MAGI2: variants seen among roughly 807,000 people sequenced by gnomAD.
The protein encoded by MAGI2 is membrane-associated guanylate kinase, WW and PDZ domain-containing protein 2.
A neutral mutation model predicts 133.3 loss-of-function variants in MAGI2; 35 were observed. The ratio of observed to expected loss-of-function variants is 0.26; its 90% CI spans 0.20 to 0.35. The LOEUF is 0.35. MAGI2 is among the 10% of genes least tolerant of loss of function. The pLI is 1.00. For synonymous variants in MAGI2, 729 were observed against 710.6 expected, an observed-to-expected ratio of 1.03 and a Z score of -0.41; for missense variants, 1,636 against 1,863.4, an observed-to-expected ratio of 0.88 and a Z score of 2.25.
At chr7:79,247,060 C>T (rs905703560) in intron 1 of MAGI2, among the ~76,000 whole-genome samples, 25 of 152,018 alleles carry the variant, frequency 1.6e-4, no homozygotes, top group African/African-American at 6.0e-4. Flanking sequence ...GTAAAAATAT[C>T]CTCAAACATG....
chr7:78,763,360 G>T (rs1052457262), intron 2 of MAGI2, among the ~76,000 whole-genome samples: 5 of 152,144 alleles, frequency 3.3e-5, no homozygotes, highest in African/African-American at 1.2e-4. Flanking sequence ...GCACAGAACA[G>T]ATTTTCATAT....
chr7:78,670,209 G>A (rs1177066081), intron 2 of MAGI2, among the ~76,000 whole-genome samples: 3 of 152,222 alleles, frequency 2.0e-5, no homozygotes, highest in East Asian at 3.9e-4. Context: ...AAGCTGATAA[G>A]CAACTTCAGC....
rs1380274512 is a variant in MAGI2, at chr7:78,177,627, C to A, written c.2403+384G>T. 2.0e-5 allele frequency among the ~76,000 whole-genome samples: 3 copies of A among 152,276 alleles called. No individual in the cohort carries two copies. In the East Asian group the frequency reaches 5.8e-4, roughly 29 times the overall value. On this transcript the variant is annotated intron_variant, in intron 14 of 21. Transcript: ENST00000354212. ...ATTTCTGTTTATCCCTGTGTTTTAT[C>A]TCCTTTGCTGTTTTGGTTAAAAACA...
chr7:79,083,392 GTGT>G (rs1371614191), intron 1 of MAGI2, among the ~76,000 whole-genome samples: 2 of 150,780 alleles, frequency 1.3e-5, no homozygotes, highest in African/African-American at 4.9e-5. Flanking sequence ...ACATTAGATG[GTGT>G]TAGATTTTGT....
chr7:79,353,580 T>C (rs915624905), intron 1 of MAGI2: 2 of 430,892 alleles, frequency 4.6e-6, no homozygotes, highest in Admixed American at 5.0e-5. Context: ...GCCTGCTGTC[T>C]GGAGCTCTGG....
chr7:78,238,164 T>C (rs995421701), intron 10 of MAGI2, among the ~76,000 whole-genome samples: 1 of 152,178 alleles, frequency 6.6e-6, no homozygotes, highest in South Asian at 2.1e-4. Flanking sequence ...TGGAGGTTCC[T>C]AGTCCTCAGA....
intron 2 of MAGI2, among the ~76,000 whole-genome samples, chr7:78,735,131 T>C (rs1355408966): frequency 1.3e-5 from 2 of 152,228 alleles, no homozygotes; most frequent in East Asian, 3.8e-4. Context: ...CAAATTCTTA[T>C]CTTTCCATGT....
chr7:79,282,893 T>A (rs2129558122), intron 1 of MAGI2, among the ~76,000 whole-genome samples: 1 of 101,410 alleles, frequency 9.9e-6, no homozygotes, highest in South Asian at 2.9e-4. Context: ...TAGAAGTTAA[T>A]TTTTTGATAT....
chr7:78,136,394 A>G (rs1822138506), intron 16 of MAGI2, among the ~76,000 whole-genome samples: 3 of 152,170 alleles, frequency 2.0e-5, no homozygotes, highest in Admixed American at 2.0e-4. Context: ...TGCTGGGGTT[A>G]CAGGCTTGAG....
chr7:79,035,250 C>A (rs543379034), intron 1 of MAGI2, among the ~76,000 whole-genome samples: 2 of 152,052 alleles, frequency 1.3e-5, no homozygotes, highest in African/African-American at 4.8e-5. Flanking sequence ...TGTGTTGCTG[C>A]TCTGGAAGTT....
At position 78,228,838 on chromosome 7, in the gene MAGI2, T is replaced by TACAA. The variant is rs1789672407; in HGVS notation, c.2047+27104_2047+27105insTTGT. The stretch of plus-strand genomic sequence containing the variant: ...TGAAAACCTTTGTAGCTGAGGCCGT[T>TACAA]GTTACCTATGGTGAATTCCAGAGTA... On this transcript the variant is annotated intron_variant, in intron 10 of 21. Transcript: ENST00000354212. 2.0e-5 allele frequency among the ~76,000 whole-genome samples: 3 copies of TACAA among 152,264 alleles called. No individual in the cohort carries two copies. The South Asian group carries it at 6.2e-4, about 31-fold the overall frequency.
chr7:78,649,923 T>G (rs1484539669), intron 2 of MAGI2, among the ~76,000 whole-genome samples: 1 of 152,208 alleles, frequency 6.6e-6, no homozygotes, highest in African/African-American at 2.4e-5. Context: ...GCTTCTTGCA[T>G]TCTGATGTGT....
chr7:78,829,933 G>T (rs888598750), intron 2 of MAGI2, among the ~76,000 whole-genome samples: 1 of 151,792 alleles, frequency 6.6e-6, no homozygotes, highest in Admixed American at 6.6e-5. Context: ...TTCAAATTTT[G>T]GATTTATTGA....
intron 10 of MAGI2, among the ~76,000 whole-genome samples, chr7:78,237,100 C>A (rs761019470): frequency 6.6e-6 from 1 of 152,124 alleles, no homozygotes; most frequent in Admixed American, 6.6e-5. Context: ...GGTGGGGACA[C>A]AGCCAAACCA....
chr7:78,254,746 T>C (rs1349854829), intron 10 of MAGI2: 3 of 152,214 alleles, frequency 2.0e-5, no homozygotes, highest in Non-Finnish European at 1.5e-5. Context: ...TTCACTTGCA[T>C]TTCAAACTGA....
intron 2 of MAGI2, among the ~76,000 whole-genome samples, chr7:78,757,983 C>T (rs1183653397): frequency 6.6e-6 from 1 of 152,170 alleles, no homozygotes; most frequent in African/African-American, 2.4e-5. Flanking sequence ...GCAAACAGAG[C>T]ATATTCTATC....
chr7:78,855,332 G>A (rs1793538966), intron 2 of MAGI2, among the ~76,000 whole-genome samples: 3 of 152,072 alleles, frequency 2.0e-5, no homozygotes. Context: ...GTAGACATGT[G>A]CCATGTTTGT....
At chr7:78,505,146 A>AT (rs960983654) in intron 4 of MAGI2, among the ~76,000 whole-genome samples, 8 of 152,092 alleles carry the variant, frequency 5.3e-5, no homozygotes, top group Admixed American at 2.6e-4. Flanking sequence ...AAGTTAATAG[A>AT]TTTTTTAAAT....
chr7:78,978,072 A>G (rs571602674), intron 2 of MAGI2, among the ~76,000 whole-genome samples: 1 of 151,956 alleles, frequency 6.6e-6, no homozygotes, highest in African/African-American at 2.4e-5. Context: ...TCATTGCTGG[A>G]GTAATAAAAA....
Sources: allele counts gnomAD v4.1 joint callset (sites outside exome capture counted in the v4.1 genomes callset), GRCh38; gene constraint gnomAD v4.1.1; transcripts MANE v1.5; gene names NCBI Gene and HGNC (gene_info 2026-07-23, HGNC 2026-07-21).